MID1: variants seen among roughly 807,000 people sequenced by gnomAD.
MID1 encodes the protein E3 ubiquitin-protein ligase Midline-1.
Under a neutral mutation model 40.4 loss-of-function variants are expected in MID1, and 7 were observed. The observed-to-expected ratio is 0.17, with a 90% CI of 0.10 to 0.33. The LOEUF (loss-of-function observed/expected upper bound fraction) is 0.33, where lower values mean the gene tolerates loss of function less well. MID1 is among the 10% of genes least tolerant of loss of function. The probability of loss-of-function intolerance (pLI) is 1.00; values close to 1 mark genes in which losing one functional copy is unlikely to be tolerated. For missense variants in MID1, 367 were observed against 558.5 expected, an observed-to-expected ratio of 0.66 and a Z score of 3.46; for synonymous variants, 229 against 221.2, an observed-to-expected ratio of 1.04 and a Z score of -0.31.
intron 1 of MID1, among the ~76,000 whole-genome samples, chrX:10,571,210 A>G (rs1158700979): frequency 8.9e-6 from 1 of 112,544 alleles, no homozygotes; most frequent in East Asian, 2.8e-4. Flanking sequence ...AGGTGAAGAC[A>G]CAATACTCAG....
chrX:10,581,319 G>C (rs1229456297), intron 1 of MID1, among the ~76,000 whole-genome samples: 2 of 112,480 alleles, frequency 1.8e-5, no homozygotes, highest in African/African-American at 6.5e-5. Context: ...CTTGAAGCCA[G>C]ATAACCTGAG....
chrX:10,788,768 G>T (rs2043905608), intron 1 of MID1, among the ~76,000 whole-genome samples: 1 of 111,733 alleles, frequency 8.9e-6, no homozygotes, highest in Non-Finnish European at 1.9e-5. Context: ...GAATTATCAG[G>T]CCCCAAATGC....
At chrX:10,450,345 G>A (rs748871275) in intron 9 of MID1, among the ~76,000 whole-genome samples, 1 of 112,358 alleles carries the variant, frequency 8.9e-6, no homozygotes, top group Non-Finnish European at 1.9e-5. Context: ...CCAAGGGCAA[G>A]CACAGAAGAT....
intron 1 of MID1, among the ~76,000 whole-genome samples, chrX:10,827,278 C>T (rs2044222058): frequency 9.0e-6 from 1 of 111,169 alleles, no homozygotes; most frequent in East Asian, 2.8e-4. Context: ...ATATAATTGT[C>T]AATGCCTGCC....
intron 1 of MID1, among the ~76,000 whole-genome samples, chrX:10,740,227 T>C (rs1313030809): frequency 1.8e-5 from 2 of 113,153 alleles, no homozygotes; most frequent in Non-Finnish European, 3.7e-5. Flanking sequence ...TTACTTTACA[T>C]TTATGTGGTA....
At chrX:10,499,380 C>T (rs1272610313) in intron 3 of MID1, among the ~76,000 whole-genome samples, 4 of 111,669 alleles carry the variant, frequency 3.6e-5, no homozygotes, top group Non-Finnish European at 7.5e-5. Context: ...CAAATATTGC[C>T]TCCTGTTTTG....
At chrX:10,742,262 A>G (rs2043527782) in intron 1 of MID1, among the ~76,000 whole-genome samples, 1 of 112,139 alleles carries the variant, frequency 8.9e-6, no homozygotes, top group Admixed American at 9.5e-5. Flanking sequence ...GATTAATGCT[A>G]AAGTAATGAT....
intron 1 of MID1, among the ~76,000 whole-genome samples, chrX:10,571,496 T>G (rs1315440180): frequency 1.8e-5 from 2 of 110,690 alleles, no homozygotes; most frequent in Non-Finnish European, 3.8e-5. Flanking sequence ...ATTCCTTTTT[T>G]TTTTTTTTTT....
Position 10,454,993 on chromosome X carries a change from G to A in MID1, c.1532C>T (p.Ser511Leu). 8.3e-7 allele frequency: 1 copy of A among 1,208,707 alleles called. No individual in the cohort carries two copies. The highest frequency in any genetic ancestry group is 1.1e-6 in the Non-Finnish European group (1 of 892,748). Reference sequence around the variant, plus strand: ...AGGTGTGTGACTCTTCTTGGATGATGACTCATCACGTTCTACTGTCAAGTT... The same window carrying A: ...AGGTGTGTGACTCTTCTTGGATGATAACTCATCACGTTCTACTGTCAAGTT... ...HDNLTVERDESSSKKSHTPER... is the reference protein window; with the variant it reads ...HDNLTVERDELSSKKSHTPER... Residue 511 changes from serine to leucine, a missense_variant, in exon 9 of 10, where the codon TCA becomes TTA. By Grantham distance (145) the Ser-to-Leu change is moderately radical (BLOSUM62 -2). This residue lies in a region of MID1 where 275 missense variants were observed against 383.1 expected (regional missense o/e 0.72). Coordinates refer to ENST00000317552, the MANE Select transcript of MID1 (RefSeq NM_000381.4).
intron 1 of MID1, among the ~76,000 whole-genome samples, chrX:10,732,758 T>G (rs1007981813): frequency 4.5e-5 from 5 of 111,985 alleles, no homozygotes; most frequent in Non-Finnish European, 9.4e-5. Flanking sequence ...GTAGCTGACA[T>G]CATTTATTTT....
chrX:10,517,298 C>T (rs1478747822), intron 3 of MID1, among the ~76,000 whole-genome samples: 1 of 111,499 alleles, frequency 9.0e-6, no homozygotes, highest in African/African-American at 3.3e-5. Flanking sequence ...GGAAGAAGTA[C>T]CATCTAGGAA....
rs148793805 is a variant in MID1 at position 10,602,319 on chromosome X, T to C, written c.-57+17971A>G. 6.9e-3 allele frequency among the ~76,000 whole-genome samples: 747 copies of C among 108,437 alleles called. 11 individuals carry two copies. The highest frequency in any genetic ancestry group is 0.024 in the African/African-American group (707 of 28,964). The allele number at this position is 108,437 out of a possible 115,157, so 94.2% of individuals were successfully genotyped here. On this transcript the variant is annotated intron_variant, in intron 1 of 9. Transcript: ENST00000317552. ...TTATCATTCTTAAAAACAGCTTTAT[T>C]GAGATACAATTCACACATTACAAAC...
At position 10,459,727 on chromosome X, in the gene MID1, C is replaced by T. The variant is rs746602154; in HGVS notation, c.1366G>A (p.Gly456Ser). 3.3e-6 allele frequency: 4 copies of T among 1,210,480 alleles called. No homozygotes were observed. Among genetic ancestry groups the T allele is most frequent in the Non-Finnish European group, 2.2e-6 (2 of 894,408 alleles). Residue 456 changes from glycine (G) to serine (S), a missense_variant, in exon 8 of 10, where the codon GGC (glycine) becomes AGC (serine). Transcript: ENST00000317552. Reference protein sequence around the residue: ...NHYTVHGLQSGTKYIFMVKAI... With the variant: ...NHYTVHGLQSSTKYIFMVKAI... ...TTGACCATGAAGATGTACTTGGTGC[C>T]GCTCTGCAGACCGTGCACCGTGTAG...
At chrX:10,580,636 C>A (rs1357397864) in intron 1 of MID1, among the ~76,000 whole-genome samples, 1 of 111,440 alleles carries the variant, frequency 9.0e-6, no homozygotes, top group East Asian at 2.8e-4. Context: ...TTATTGTAGT[C>A]TCTAAAGAAG....
intron 1 of MID1, among the ~76,000 whole-genome samples, chrX:10,715,579 C>G (rs1457000208): frequency 1.8e-5 from 2 of 111,948 alleles, no homozygotes; most frequent in East Asian, 5.6e-4. Context: ...CACCGCAGCT[C>G]AAGGAGGCCT....
At chrX:10,787,685 A>G in intron 1 of MID1, among the ~76,000 whole-genome samples, 1 of 103,528 alleles carries the variant, frequency 9.7e-6, no homozygotes, top group East Asian at 3.1e-4. Context: ...TGCTGGGATT[A>G]CAGGTCTGAG....
At chrX:10,544,036 C>T (rs1264679573) in intron 2 of MID1, among the ~76,000 whole-genome samples, 1 of 111,212 alleles carries the variant, frequency 9.0e-6, no homozygotes, top group African/African-American at 3.3e-5. Context: ...AAAATGTACT[C>T]AGGCTGTTTC....
At chrX:10,452,462 C>A (rs938414305) in intron 9 of MID1, among the ~76,000 whole-genome samples, 3 of 112,142 alleles carry the variant, frequency 2.7e-5, no homozygotes, top group African/African-American at 9.7e-5. Context: ...TTAAGTTACG[C>A]AGTGAGACAC....
At chrX:10,795,215 G>A (rs776391537) in intron 1 of MID1, among the ~76,000 whole-genome samples, 101 of 112,270 alleles carry the variant, frequency 9.0e-4, no homozygotes, top group Non-Finnish European at 1.0e-3. Flanking sequence ...CCACCTCAAG[G>A]TTGAAAACCA....
Sources: gnomAD v4.1 joint callset for allele counts (sites outside exome capture counted in the v4.1 genomes callset) on GRCh38, gnomAD v4.1.1 for gene constraint, gnomAD v4.1.1 regional missense constraint, MANE v1.5 for transcripts, NCBI Gene and HGNC (gene_info 2026-07-23, HGNC 2026-07-21) for gene names.